The following TRIM17 variants were observed in gnomAD, a reference collection of about 807,000 sequenced individuals.
The protein encoded by TRIM17 is tripartite motif containing 17, also known as E3 ubiquitin-protein ligase TRIM17.
A neutral mutation model predicts 35.8 loss-of-function variants in TRIM17; 27 were observed. The observed-to-expected ratio is 0.75, with a 90% CI of 0.56 to 1.04. The LOEUF (loss-of-function observed/expected upper bound fraction) is 1.04. Among genes scored for constraint, TRIM17 ranks in the 50% least tolerant of loss-of-function variants. The pLI is 0.00. For synonymous variants in TRIM17, 246 were observed against 252.6 expected, an observed-to-expected ratio of 0.97 and a Z score of 0.25; for missense variants, 582 against 612.8, an observed-to-expected ratio of 0.95 and a Z score of 0.53.
chr1:228,416,834 C>A lies in TRIM17; in HGVS notation c.-337G>T. On this transcript the variant is annotated 5_prime_UTR_variant, in exon 1 of 7. Coordinates refer to ENST00000366698, the MANE Select transcript of TRIM17 (RefSeq NM_016102.4). ...CAGGGGGTGGAAGGCTCTGGACGAG[C>A]CGGGGACAGGCGCAGCGGGTGCTGA... The A allele has an allele frequency of 1.0e-6, 1 of 984,046 alleles. No individual in the cohort carries two copies. Among genetic ancestry groups the A allele is most frequent in the Non-Finnish European group, 1.2e-6 (1 of 829,634 alleles). 61.0% of individuals were successfully genotyped at this position (984,046 alleles called of 1,614,324 possible).
Position 228,413,755 on chromosome 1 carries a change from G to A in TRIM17, c.525+42C>T, listed in dbSNP as rs201760740. 528 of 1,503,414 alleles carry A rather than the reference G, an allele frequency of 3.5e-4. 3 individuals are homozygous for A. The highest frequency in any genetic ancestry group is 6.9e-5 in the Non-Finnish European group (75 of 1,080,366). 93.1% of individuals were successfully genotyped at this position (1,503,414 alleles called of 1,614,324 possible). A position where few individuals can be genotyped will look rare whatever the true frequency, so the allele number is the denominator to read the frequency against. The stretch of plus-strand genomic sequence containing the variant: ...ACAGACGTGGAAATGCAGGAAGATG[G>A]AGCAGCAGCAGGAAAGGGACTGGAC... On this transcript the variant is annotated intron_variant, in intron 3 of 6. Transcript: ENST00000366698.
rs78974121 is a variant in TRIM17, at chr1:228,415,028, C to T, written c.45G>A (p.Thr15=). 1,536 of 1,609,942 alleles carry T rather than the reference C, an allele frequency of 9.5e-4. 18 individuals are homozygous for T. In the East Asian group the frequency reaches 0.027, roughly 28 times the overall value. The change falls in exon 2 of 7, where the codon ACG becomes ACA. Residue 15 remains threonine, a synonymous_variant. Transcript: ENST00000366698. ...TGAAGTAATCCAGACAGATGGAGCA[C>T]GTAGCTTCCTCCTGCAGTTTTCTGG... ...ELARKLQEEA[T]CSICLDYFTD...
chr1:228,413,965 C>A (rs748283300), intron 2 of TRIM17, 73 bp from the exon 3 acceptor site: 142 of 1,295,606 alleles, frequency 1.1e-4, no homozygotes, highest in Non-Finnish European at 1.5e-4. Flanking sequence ...CAGTTGTGCT[C>A]GCTGAAACTG....
At position 228,414,933 on chromosome 1, in the gene TRIM17, G is replaced by A. The variant is rs367605606; in HGVS notation, c.140C>T (p.Ala47Val). ...RACIQLSWEK[A>V]RGKKGRRKRK... Reference sequence around the variant, plus strand: ...CTTCCGCCTCCCCTTCTTGCCCCTCGCCTTTTCCCAGCTCAGCTGGATGCA... The same window carrying A: ...CTTCCGCCTCCCCTTCTTGCCCCTCACCTTTTCCCAGCTCAGCTGGATGCA... The change falls in exon 2 of 7, where the codon GCG (alanine) becomes GTG (valine). Residue 47 changes from alanine to valine, a missense_variant. Physicochemically the swap from Ala to Val is moderately conservative, Grantham distance 64. Coordinates refer to ENST00000366698, the MANE Select transcript of TRIM17 (RefSeq NM_016102.4). 6.2e-6 allele frequency: 10 copies of A among 1,613,328 alleles called. No individual in the cohort carries two copies. The highest frequency in any genetic ancestry group is 2.2e-5 in the South Asian group (2 of 91,074).
intron 2 of TRIM17, among the ~76,000 whole-genome samples, chr1:228,414,245 ATCC>A (rs1439221303): frequency 1.3e-5 from 2 of 152,044 alleles, no homozygotes; most frequent in African/African-American, 4.8e-5. Context: ...ACTAACCCTC[ATCC>A]TCCTCAGGTA....
Position 228,413,471 on chromosome 1 carries a change from A to ACTGAG in TRIM17, c.525+321_525+325dup, listed in dbSNP as rs1257991065. Among the ~76,000 whole-genome samples, 16 of 151,110 alleles carry ACTGAG rather than the reference A, an allele frequency of 1.1e-4. 1 individual carries two copies. The highest frequency in any genetic ancestry group is 3.9e-4 in the African/African-American group (16 of 41,136). Reference sequence around the variant, plus strand: ...ACCTTCTGGCTGCCTCCTTTGTGGTACTGAGCCCCCGCCCTCTGGCTGCCT... The same window carrying ACTGAG: ...ACCTTCTGGCTGCCTCCTTTGTGGTACTGAGCTGAGCCCCCGCCCTCTGGCTGCCT... On this transcript the variant is annotated intron_variant, in intron 3 of 6. Transcript: ENST00000366698.
rs1158150851 is a variant in TRIM17 at position 228,411,114 on chromosome 1, C to T, written c.588G>A (p.Leu196=). 1 of 1,614,156 alleles carries T rather than the reference C, an allele frequency of 6.2e-7. No homozygotes were observed. Among genetic ancestry groups the T allele is most frequent in the Non-Finnish European group, 8.5e-7 (1 of 1,180,006 alleles). The stretch of plus-strand genomic sequence containing the variant: ...GGAGGAGCCTCTGCTCTTCTTCCAC[C>T]AGGTAGAGGTTCATCTTCTCAAACT... ...VLEFEKMNLY[L]VEEEQRLLQA... The change falls in exon 4 of 7, where the codon CTG becomes CTA. Residue 196 remains leucine, a synonymous_variant. Coordinates refer to ENST00000366698, the MANE Select transcript of TRIM17 (RefSeq NM_016102.4). This position sits in a 1 kb window ranked among gnomAD's most constrained non-coding sequence, Gnocchi z 4.2.
chr1:228,408,821 C>A lies in TRIM17; in HGVS notation c.884-70G>T. The stretch of plus-strand genomic sequence containing the variant: ...CATTCAGGGTCAAAGGTGGGAGTCC[C>A]CGGGCCCTAGTGGTGGATGTGGCCA... On this transcript the variant is annotated intron_variant, in intron 6 of 6. Coordinates refer to ENST00000366698, the MANE Select transcript of TRIM17 (RefSeq NM_016102.4). The surrounding 1 kb of genome is among the most constrained non-coding windows in gnomAD (Gnocchi z 6.3). The A allele has an allele frequency of 6.5e-7, 1 of 1,544,370 alleles. No homozygotes were observed. Among genetic ancestry groups the A allele is most frequent in the South Asian group, 1.2e-5 (1 of 81,494 alleles).
chr1:228,408,216 C>T lies in TRIM17; in HGVS notation c.1419G>A (p.Met473Ile). Residue 473 changes from methionine (M) to isoleucine (I), a missense_variant, in exon 7 of 7, where the codon ATG (methionine) becomes ATA (isoleucine). Transcript: ENST00000366698. The surrounding 1 kb of genome is among the most constrained non-coding windows in gnomAD (Gnocchi z 6.3). ...SGQMVISTVT[M>I]WVKG Reference sequence around the variant, plus strand: ...CGGTCTGTGTCTATCCTTTCACCCACATGGTCACTGTGGAGATGACCATCT... The same window carrying T: ...CGGTCTGTGTCTATCCTTTCACCCATATGGTCACTGTGGAGATGACCATCT... 6.5e-7 allele frequency: 1 copy of T among 1,532,298 alleles called. No homozygotes were observed. The highest frequency in any genetic ancestry group is 8.8e-7 in the Non-Finnish European group (1 of 1,140,808). 94.9% of individuals were successfully genotyped at this position (1,532,298 alleles called of 1,614,324 possible). A position where few individuals can be genotyped will look rare whatever the true frequency, so the allele number is the denominator to read the frequency against.
In TRIM17 at chr1:228,408,286, C is replaced by A. The variant is rs1239596855; in HGVS notation, c.1349G>T (p.Gly450Val). The A allele has an allele frequency of 3.1e-6, 5 of 1,602,276 alleles. No homozygotes were observed. Among genetic ancestry groups the A allele is most frequent in the Non-Finnish European group, 3.4e-6 (4 of 1,172,792 alleles). ...LHTYSQATFP[G>V]PLQPFFCLGA... ...CAGGCAGAAGAAAGGCTGCAGGGGG[C>A]CTGGGAAGGTGGCCTGGGAGTAGGT... Residue 450 changes from glycine (G) to valine (V), a missense_variant, in exon 7 of 7, where the codon GGC (glycine) becomes GTC (valine). Transcript: ENST00000366698. This position sits in a 1 kb window ranked among gnomAD's most constrained non-coding sequence, Gnocchi z 6.3.
chr1:228,408,375 G>A lies in TRIM17; in HGVS notation c.1260C>T (p.Ile420=). Residue 420 remains isoleucine (I), a synonymous_variant, in exon 7 of 7, where the codon ATC becomes ATT. Coordinates refer to ENST00000366698, the MANE Select transcript of TRIM17 (RefSeq NM_016102.4). This position sits in a 1 kb window ranked among gnomAD's most constrained non-coding sequence, Gnocchi z 6.3. ...CTTCCCCGGCTTCGAAGTCCAGGAA[G>A]ATGCCCATGTGGCTGGGAGGCTCCA... ...MLMEPPSHMG[I]FLDFEAGEVS... is the part of the protein sequence containing the mutation. 6.2e-7 allele frequency: 1 copy of A among 1,614,158 alleles called. No individual in the cohort carries two copies. Among genetic ancestry groups the A allele is most frequent in the Non-Finnish European group, 8.5e-7 (1 of 1,180,014 alleles).
intron 2 of TRIM17, 41 bp from the exon 3 acceptor site, chr1:228,413,933 C>T: frequency 6.5e-7 from 1 of 1,545,778 alleles, no homozygotes; most frequent in Non-Finnish European, 8.9e-7. Flanking sequence ...ATCAGCGATC[C>T]CCCTACCTCC....
Position 228,411,216 on chromosome 1 carries a change from G to A in TRIM17, c.526-40C>T, listed in dbSNP as rs1377995939. The A allele has an allele frequency of 6.5e-7, 1 of 1,541,008 alleles. No individual in the cohort carries two copies. The highest frequency in any genetic ancestry group is 1.4e-5 in the African/African-American group (1 of 72,950). On this transcript the variant is annotated intron_variant, in intron 3 of 6. Transcript: ENST00000366698. The surrounding 1 kb of genome is among the most constrained non-coding windows in gnomAD (Gnocchi z 4.2). ...AAGCCCAGCATGTTGCCAGCAGGTG[G>A]CTCAGCTCCAGGGATGCTGGCACCT...
In TRIM17 at chr1:228,408,490, T is replaced by C. The variant is rs746617512; in HGVS notation, c.1145A>G (p.Lys382Arg). Residue 382 changes from lysine (K) to arginine (R), a missense_variant, in exon 7 of 7, where the codon AAG becomes AGG. Coordinates refer to ENST00000366698, the MANE Select transcript of TRIM17 (RefSeq NM_016102.4). This position sits in a 1 kb window ranked among gnomAD's most constrained non-coding sequence, Gnocchi z 6.3. ...DNVSRKDRVP[K>R]CPENGFWVVQ... ...CACCCAGAAGCCGTTTTCGGGGCAC[T>C]TGGGGACCCTGTCTTTCCGGCTCAC... 4 of 1,613,952 alleles carry C rather than the reference T, an allele frequency of 2.5e-6. No individual in the cohort carries two copies. The East Asian group carries it at 6.7e-5, about 27-fold the overall frequency.
chr1:228,413,706 G>A (rs1028882527), intron 3 of TRIM17, 91 bp downstream of exon 3: 26 of 1,062,430 alleles, frequency 2.4e-5, no homozygotes, highest in Middle Eastern at 2.5e-4. Context: ...CTGCCACTGC[G>A]GCAGCATATC....
chr1:228,408,869 G>C lies in TRIM17; in HGVS notation c.884-118C>G. ...CCAATGGTCCCCTAACTCCGCAGAG[G>C]CCTCCCCTGCTGTGAATCTGGGGTT... On this transcript the variant is annotated intron_variant, in intron 6 of 6. Coordinates refer to ENST00000366698, the MANE Select transcript of TRIM17 (RefSeq NM_016102.4). The surrounding 1 kb of genome is among the most constrained non-coding windows in gnomAD (Gnocchi z 6.3). 3 of 1,486,042 alleles carry C rather than the reference G, an allele frequency of 2.0e-6. No individual in the cohort carries two copies. Among genetic ancestry groups the C allele is most frequent in the Non-Finnish European group, 2.7e-6 (3 of 1,119,282 alleles). 92.1% of individuals were successfully genotyped at this position (1,486,042 alleles called of 1,614,324 possible).
Position 228,416,556 on chromosome 1 carries a change from C to T in TRIM17, c.-59G>A. On this transcript the variant is annotated 5_prime_UTR_variant, in exon 1 of 7. Transcript: ENST00000366698. ...CTACTCACCGCGGGGAAGGGGGGCC[C>T]GCACAGCGCCTAGTGCACCTGGCCG... 4.1e-6 allele frequency: 4 copies of T among 985,572 alleles called. No individual in the cohort carries two copies. The highest frequency in any genetic ancestry group is 4.8e-6 in the Non-Finnish European group (4 of 830,306). The allele number at this position is 985,572 out of a possible 1,614,324, so 61.1% of individuals were successfully genotyped here. A position where few individuals can be genotyped will look rare whatever the true frequency, so the allele number is the denominator to read the frequency against.
chr1:228,414,840 C>CGGTTGGGCAGCA lies in TRIM17; in HGVS notation c.221_232dup (p.Leu74_Asn77dup). On this transcript the variant is annotated inframe_insertion, in exon 2 of 7. Transcript: ENST00000366698. ...CATCTCGGCCACCTTGGTCAGCAGCCGGTTGGGCAGCAGGTTCCTCTGCGG... is the reference window on the plus strand; with the variant it reads ...CATCTCGGCCACCTTGGTCAGCAGCCGGTTGGGCAGCAGGTTGGGCAGCAGGTTCCTCTGCGG... 6.2e-7 allele frequency: 1 copy of CGGTTGGGCAGCA among 1,613,600 alleles called. No homozygotes were observed. Among genetic ancestry groups the CGGTTGGGCAGCA allele is most frequent in the Non-Finnish European group, 8.5e-7 (1 of 1,180,022 alleles).
intron 1 of TRIM17, 55 bp from the exon 2 acceptor site, chr1:228,415,168 C>G: frequency 7.2e-7 from 1 of 1,388,746 alleles, no homozygotes; most frequent in East Asian, 2.5e-5. Flanking sequence ...AGTGTGCAAC[C>G]GTCCTGTACA....
Sources: allele counts gnomAD v4.1 joint callset (sites outside exome capture counted in the v4.1 genomes callset), GRCh38; gene constraint gnomAD v4.1.1; non-coding constraint Gnocchi (gnomAD v3.1); transcripts MANE v1.5; gene names NCBI Gene and HGNC (gene_info 2026-07-23, HGNC 2026-07-21).